The following SLC24A2 variants were observed in gnomAD, a reference collection of about 807,000 sequenced individuals.
SLC24A2 encodes the protein solute carrier family 24 member 2.
SLC24A2 carries 36 observed loss-of-function variants against 62.0 expected under a neutral mutation model. That is an observed-to-expected ratio of 0.58 (90% CI 0.44 to 0.77). The LOEUF (loss-of-function observed/expected upper bound fraction) is 0.77, where lower values mean the gene tolerates loss of function less well. Among genes scored for constraint, SLC24A2 ranks in the 30% least tolerant of loss-of-function variants. SLC24A2 has a pLI of 0.00. For synonymous variants in SLC24A2, 358 were observed against 294.0 expected (o/e 1.22, Z -2.23); for missense variants, 846 against 817.9 (o/e 1.03, Z -0.42).
At chr9:20,119,438 G>T in the SLC24A2 span, among the ~76,000 whole-genome samples, 1 of 152,070 alleles carries the variant, frequency 6.6e-6, no homozygotes, top group East Asian at 1.9e-4. Context: ...TTCCAAAAAT[G>T]CAAAGTTGGT....
At chr9:20,185,512 A>C in the SLC24A2 span, among the ~76,000 whole-genome samples, 4 of 152,046 alleles carry the variant, frequency 2.6e-5, no homozygotes, top group South Asian at 8.3e-4. Context: ...AAAAATACAA[A>C]AAATTAGCTG....
chr9:19,554,727 G>T (rs1834998207), intron 7 of SLC24A2, among the ~76,000 whole-genome samples: 2 of 152,132 alleles, frequency 1.3e-5, no homozygotes, highest in South Asian at 4.1e-4. Flanking sequence ...CCTCTTTCTT[G>T]CTGGCTGGAG....
At chr9:20,095,522 G>A in the SLC24A2 span, among the ~76,000 whole-genome samples, 7 of 152,134 alleles carry the variant, frequency 4.6e-5, no homozygotes, top group African/African-American at 9.7e-5. Context: ...CTTTCTCCAC[G>A]TGAGAGAAAA....
the SLC24A2 span, among the ~76,000 whole-genome samples, chr9:20,163,963 T>A: frequency 2.6e-5 from 4 of 151,942 alleles, no homozygotes; most frequent in Non-Finnish European, 4.4e-5. Flanking sequence ...CTTCCTTATA[T>A]CTTATACAAA....
the SLC24A2 span, among the ~76,000 whole-genome samples, chr9:19,862,217 A>G: frequency 2.6e-5 from 4 of 152,170 alleles, no homozygotes; most frequent in East Asian, 1.9e-4. Context: ...CAAATAACAA[A>G]CAATGGGGTT....
the SLC24A2 span, among the ~76,000 whole-genome samples, chr9:20,042,922 T>G: frequency 5.3e-5 from 8 of 152,238 alleles, no homozygotes; most frequent in African/African-American, 1.7e-4. Context: ...AAAACTTAAT[T>G]GATAAATGTT....
chr9:20,227,367 A>G, the SLC24A2 span, among the ~76,000 whole-genome samples: 1 of 152,070 alleles, frequency 6.6e-6, no homozygotes, highest in Non-Finnish European at 1.5e-5. Flanking sequence ...AGTGGTCCAC[A>G]CTTACTTGCA....
the SLC24A2 span, among the ~76,000 whole-genome samples, chr9:19,876,190 T>C: frequency 7.9e-5 from 12 of 152,172 alleles, no homozygotes; most frequent in South Asian, 2.1e-4. Flanking sequence ...ATTTCTGTAA[T>C]TGTGAATGTG....
At chr9:19,950,004 G>A in the SLC24A2 span, among the ~76,000 whole-genome samples, 9 of 152,192 alleles carry the variant, frequency 5.9e-5, no homozygotes, top group Admixed American at 2.6e-4. Context: ...TGTATAATTC[G>A]CATTTAAAAA....
At chr9:20,167,117 C>G in the SLC24A2 span, among the ~76,000 whole-genome samples, 1 of 151,912 alleles carries the variant, frequency 6.6e-6, no homozygotes, top group African/African-American at 2.4e-5. Context: ...ACCCTGCAAT[C>G]CTACTGTATT....
the SLC24A2 span, among the ~76,000 whole-genome samples, chr9:19,997,048 G>A: frequency 4.6e-5 from 7 of 151,702 alleles, no homozygotes; most frequent in African/African-American, 1.7e-4. Context: ...AAAAAAAAAG[G>A]CAAAAAAAGC....
the SLC24A2 span, among the ~76,000 whole-genome samples, chr9:20,070,931 G>A: frequency 4.6e-5 from 7 of 152,152 alleles, no homozygotes; most frequent in Non-Finnish European, 7.3e-5. Flanking sequence ...GGTGGGGCCC[G>A]GTGGGAGGTG....
At chr9:19,778,744 G>A (rs918202585) in intron 2 of SLC24A2, among the ~76,000 whole-genome samples, 1 of 152,086 alleles carries the variant, frequency 6.6e-6, no homozygotes, top group Non-Finnish European at 1.5e-5. Flanking sequence ...AGGCCTCAAT[G>A]GAGTTCCACA....
the SLC24A2 span, among the ~76,000 whole-genome samples, chr9:19,905,218 C>T: frequency 6.6e-5 from 10 of 152,116 alleles, no homozygotes; most frequent in Non-Finnish European, 1.5e-4. Flanking sequence ...AGTGGGGTCT[C>T]ACTCAGACTG....
intron 2 of SLC24A2, among the ~76,000 whole-genome samples, chr9:19,693,927 A>T (rs1374155826): frequency 6.6e-6 from 1 of 152,142 alleles, no homozygotes; most frequent in Non-Finnish European, 1.5e-5. Flanking sequence ...TATCTAAAAA[A>T]CAGATAGGTT....
At chr9:19,600,440 A>G (rs59254571) in intron 4 of SLC24A2, among the ~76,000 whole-genome samples, 2,140 of 152,314 alleles carry the variant, frequency 0.014, 53 homozygotes, top group African/African-American at 0.05. Flanking sequence ...ACAACTCCCA[A>G]TTGTCTCACA....
the SLC24A2 span, among the ~76,000 whole-genome samples, chr9:20,088,997 C>A: frequency 5.4e-4 from 82 of 152,314 alleles, 1 homozygote; most frequent in Admixed American, 4.4e-3. Context: ...TTATGTGGGT[C>A]CCTGATCCCA....
At chr9:20,086,668 G>A in the SLC24A2 span, among the ~76,000 whole-genome samples, 1 of 152,098 alleles carries the variant, frequency 6.6e-6, no homozygotes, top group Non-Finnish European at 1.5e-5. Context: ...CTATTTCTAG[G>A]TCACTAACCT....
chr9:20,244,272 C>G, the SLC24A2 span, among the ~76,000 whole-genome samples: 1 of 152,102 alleles, frequency 6.6e-6, no homozygotes, highest in Non-Finnish European at 1.5e-5. Context: ...AATGAGTTTA[C>G]AAGATCCCAA....
Sources: gnomAD v4.1 joint callset for allele counts (sites outside exome capture counted in the v4.1 genomes callset) on GRCh38, gnomAD v4.1.1 for gene constraint, MANE v1.5 for transcripts, NCBI Gene and HGNC (gene_info 2026-07-23, HGNC 2026-07-21) for gene names.